Variants in SERPINE2 observed in about 807,000 individuals in gnomAD.
SERPINE2 encodes serpin family E member 2, also known as glia-derived nexin.
Under a neutral mutation model 36.3 loss-of-function variants are expected in SERPINE2, and 14 were observed. That is an observed-to-expected ratio of 0.39 (90% CI 0.25 to 0.60). SERPINE2 has a LOEUF of 0.60. Ranked by LOEUF, SERPINE2 falls within the 20% of genes least tolerant of loss-of-function variation. The probability of loss-of-function intolerance (pLI) is 0.57; values close to 1 mark genes in which losing one functional copy is unlikely to be tolerated. For synonymous variants in SERPINE2, 192 were observed against 191.8 expected, an observed-to-expected ratio of 1.00 and a Z score of -0.01; for missense variants, 418 against 499.6, an observed-to-expected ratio of 0.84 and a Z score of 1.56.
chr2:224,030,862 C>T (rs1692339777), intron 1 of SERPINE2: 1 of 627,370 alleles, frequency 1.6e-6, no homozygotes, highest in South Asian at 7.0e-5. Context: ...GTAAATCTCT[C>T]TACCTTCTCA....
At position 223,998,117 on chromosome 2, in the gene SERPINE2, CT is replaced by C. The variant is rs1559204225; in HGVS notation, c.484del (p.Arg162GlyfsTer3). On this transcript the variant is annotated frameshift_variant, in exon 3 of 9. Transcript: ENST00000409304. LOFTEE classifies it high-confidence loss of function. ...AATGACATACTGCGGCCACTCACCC[CT>C]GGTTTCATTTTTAACCCATGCATTG... ...SINAWVKNET[R>X]DMIDNLLSPD... 1 of 1,613,386 alleles carries C rather than the reference CT, an allele frequency of 6.2e-7. No individual in the cohort carries two copies. Among genetic ancestry groups the C allele is most frequent in the Non-Finnish European group, 8.5e-7 (1 of 1,179,318 alleles).
chr2:224,019,604 A>G (rs905784874), intron 1 of SERPINE2, among the ~76,000 whole-genome samples: 2 of 152,128 alleles, frequency 1.3e-5, no homozygotes, highest in Admixed American at 6.5e-5. Flanking sequence ...AGCATGGCAC[A>G]TGGACACTGA....
At chr2:223,977,825 C>T (rs1297753370) in intron 7 of SERPINE2, 198 bp from the exon 8 acceptor site, 1 of 535,072 alleles carries the variant, frequency 1.9e-6, no homozygotes, top group Non-Finnish European at 3.4e-6. Context: ...AGGCCCTTTA[C>T]ATTACTCTCT....
At chr2:224,019,931 C>T (rs2106190138) in intron 1 of SERPINE2, among the ~76,000 whole-genome samples, 1 of 152,124 alleles carries the variant, frequency 6.6e-6, no homozygotes, top group East Asian at 1.9e-4. Flanking sequence ...TAGCACCCCA[C>T]CCAGATGGAC....
intron 2 of SERPINE2, among the ~76,000 whole-genome samples, chr2:223,999,066 T>C (rs550060988): frequency 5.9e-5 from 9 of 152,326 alleles, no homozygotes; most frequent in Admixed American, 3.9e-4. Flanking sequence ...ACTTCCTTTC[T>C]TGCCAAAGAT....
intron 1 of SERPINE2, among the ~76,000 whole-genome samples, chr2:224,022,158 CAAAAAAAA>C (rs71058977): frequency 3.7e-4 from 27 of 72,588 alleles, no homozygotes; most frequent in Non-Finnish European, 5.6e-4. Context: ...GACTCCTTCT[CAAAAAAAA>C]AAAAAAAAAA....
rs36049464 is a variant in SERPINE2 at position 223,993,530 on chromosome 2, ATGTGTGTGTGTGTG to A, written c.488-1544_488-1531del. Reference sequence around the variant, plus strand: ...TTCACTGCATTATTAGCTCAAATATATGTGTGTGTGTGTGTGTGTGTGTGTGTGTATGTGTGTAT... The same window carrying A: ...TTCACTGCATTATTAGCTCAAATATATGTGTGTGTGTGTGTATGTGTGTAT... On this transcript the variant is annotated intron_variant, in intron 3 of 8. Coordinates refer to ENST00000409304, the MANE Select transcript of SERPINE2 (RefSeq NM_001136528.2). 5.3e-5 allele frequency among the ~76,000 whole-genome samples: 8 copies of A among 149,902 alleles called. No individual in the cohort carries two copies. The South Asian group carries it at 1.7e-3, about 32-fold the overall frequency.
At position 224,022,531 on chromosome 2, in the gene SERPINE2, G is replaced by A. The variant is rs60431674; in HGVS notation, c.-23+16568C>T. Among the ~76,000 whole-genome samples the A allele has an allele frequency of 2.4e-4, 36 of 152,122 alleles. No individual in the cohort carries two copies. The East Asian group carries it at 6.8e-3, about 29-fold the overall frequency. ...TCTATTTCAATCACCTGTCACCAGG[G>A]GCTATTCTCTTACATTATCTGACAT... On this transcript the variant is annotated intron_variant, in intron 1 of 8. Transcript: ENST00000409304.
At chr2:224,001,442 C>T in intron 2 of SERPINE2, 200 bp downstream of exon 2, 1 of 551,924 alleles carries the variant, frequency 1.8e-6, no homozygotes, top group Non-Finnish European at 3.1e-6. Flanking sequence ...AAAAAAGGGA[C>T]CAGAGTCTAG....
chr2:224,008,935 G>A (rs1178978594), intron 1 of SERPINE2, among the ~76,000 whole-genome samples: 1 of 152,208 alleles, frequency 6.6e-6, no homozygotes, highest in Non-Finnish European at 1.5e-5. Context: ...ACCAGCTGCT[G>A]ACACTGAACG....
At chr2:223,994,080 CT>C (rs1690783565) in intron 3 of SERPINE2, among the ~76,000 whole-genome samples, 1 of 152,230 alleles carries the variant, frequency 6.6e-6, no homozygotes, top group Non-Finnish European at 1.5e-5. Flanking sequence ...TAAATCTTCT[CT>C]GATCATCCTC....
chr2:224,001,767 G>A lies in SERPINE2; in HGVS notation c.134C>T (p.Ser45Leu), dbSNP rs560184424. 1.4e-5 allele frequency: 22 copies of A among 1,614,030 alleles called. No homozygotes were observed. The highest frequency in any genetic ancestry group is 1.3e-4 in the South Asian group (12 of 91,060). ...GATCACGATGTTGTCATGAGGCCTC[G>A]ACTTCACAATCTGATTGAAAACCTG... The part of the protein sequence containing the change: ...GIQVFNQIVK[S>L]RPHDNIVISP... Residue 45 changes from serine to leucine, a missense_variant, in exon 2 of 9, where the codon TCG becomes TTG. Ser to Leu is a moderately radical substitution (Grantham distance 145). Coordinates refer to ENST00000409304, the MANE Select transcript of SERPINE2 (RefSeq NM_001136528.2).
rs542374115 is a variant in SERPINE2 at position 224,029,082 on chromosome 2, G to T, written c.-23+10017C>A. Among the ~76,000 whole-genome samples, 54 of 152,334 alleles carry T rather than the reference G, an allele frequency of 3.5e-4. No homozygotes were observed. The South Asian group carries it at 0.011, about 30-fold the overall frequency. ...CATGATTTACCACCTTGCTGCACAA[G>T]AACAGATTTATTATGAATACTGTGG... On this transcript the variant is annotated intron_variant, in intron 1 of 8. Transcript: ENST00000409304.
chr2:224,033,476 A>C lies in SERPINE2; in HGVS notation c.-23+5623T>G, dbSNP rs186341677. 4.7e-4 allele frequency among the ~76,000 whole-genome samples: 72 copies of C among 152,318 alleles called. 1 individual carries two copies. Among genetic ancestry groups the C allele is most frequent in the Middle Eastern group, 6.8e-3 (2 of 294 alleles). On this transcript the variant is annotated intron_variant, in intron 1 of 8. Coordinates refer to ENST00000409304, the MANE Select transcript of SERPINE2 (RefSeq NM_001136528.2). ...CACATCAAAAGGAAACTGAGCCAAG[A>C]ATTTATAGGTTTTAAAAATAAGACA...
chr2:224,036,640 A>AT (rs1489330663), intron 1 of SERPINE2, among the ~76,000 whole-genome samples: 32 of 64,392 alleles, frequency 5.0e-4, no homozygotes, highest in South Asian at 7.2e-4. Context: ...ATTAATAAAA[A>AT]TTAAAAAAAA....
At chr2:223,977,685 G>C (rs1690065252) in intron 7 of SERPINE2, 58 bp from the exon 8 acceptor site, 2 of 1,187,314 alleles carry the variant, frequency 1.7e-6, no homozygotes, top group African/African-American at 3.0e-5. Context: ...GTAAGCATAA[G>C]GCCAGCAAGT....
At chr2:224,013,186 C>A (rs776771298) in intron 1 of SERPINE2, among the ~76,000 whole-genome samples, 9 of 152,166 alleles carry the variant, frequency 5.9e-5, no homozygotes, top group Non-Finnish European at 1.3e-4. Context: ...TTGCCTTTCT[C>A]CCCGGCTCAC....
chr2:224,014,124 T>C (rs938318043), intron 1 of SERPINE2, among the ~76,000 whole-genome samples: 8 of 152,192 alleles, frequency 5.3e-5, no homozygotes, highest in South Asian at 4.1e-4. Flanking sequence ...CCTGTAATCC[T>C]AGCCCTTTGG....
At chr2:224,012,913 G>T (rs1384075452) in intron 1 of SERPINE2, among the ~76,000 whole-genome samples, 1 of 152,130 alleles carries the variant, frequency 6.6e-6, no homozygotes, top group Non-Finnish European at 1.5e-5. Flanking sequence ...TGGAAAAGGA[G>T]AAAGAGTTGA....
Sources: allele counts gnomAD v4.1 joint callset (sites outside exome capture counted in the v4.1 genomes callset), GRCh38; gene constraint gnomAD v4.1.1; transcripts MANE v1.5; gene names NCBI Gene and HGNC (gene_info 2026-07-23, HGNC 2026-07-21).